The following CCR3 variants were observed in gnomAD, a reference collection of about 807,000 sequenced individuals.
CCR3 encodes the protein C-C chemokine receptor type 3.
For missense variants in CCR3, 419 were observed against 437.5 expected (o/e 0.96, Z 0.38); for synonymous variants, 203 against 179.2 (o/e 1.13, Z -1.06).
chr3:46,262,534 C>T (rs1338795853), intron 1 of CCR3, among the ~76,000 whole-genome samples: 7 of 152,122 alleles, frequency 4.6e-5, no homozygotes, highest in Admixed American at 4.6e-4. Context: ...ATGTAAAAGG[C>T]CATTTTGAAA....
rs537109409 is a variant in CCR3 at position 46,244,415 on chromosome 3, G to A, written c.-12+1877G>A. Reference sequence around the variant, plus strand: ...AGAGACCACCAAACAGGCTTTGTGTGAGCAATAAAGCTTTTTAATCACCTG... The same window carrying A: ...AGAGACCACCAAACAGGCTTTGTGTAAGCAATAAAGCTTTTTAATCACCTG... On this transcript the variant is annotated intron_variant, in intron 1 of 1. Coordinates refer to ENST00000395940, the MANE Select transcript of CCR3 (RefSeq NM_178329.3). Among the ~76,000 whole-genome samples, 126 of 152,322 alleles carry A rather than the reference G, an allele frequency of 8.3e-4. 1 individual carries two copies. Among genetic ancestry groups the A allele is most frequent in the African/African-American group, 2.7e-3 (114 of 41,570 alleles).
chr3:46,266,437 A>C lies in CCR3; in HGVS notation c.*211A>C. On this transcript the variant is annotated 3_prime_UTR_variant, in exon 2 of 2. Transcript: ENST00000395940. ...CCAGGGGCTGGGCAGCGTACTCATC[A>C]TCAACCCTAAAAAGCAGAGCTTTGC... 6.4e-6 allele frequency: 3 copies of C among 466,470 alleles called. No individual in the cohort carries two copies. Among genetic ancestry groups the C allele is most frequent in the Non-Finnish European group, 1.2e-5 (3 of 257,262 alleles). The allele number at this position is 466,470 out of a possible 1,614,324, so 28.9% of individuals were successfully genotyped here.
chr3:46,246,932 A>G (rs1051915921), intron 1 of CCR3, among the ~76,000 whole-genome samples: 3 of 151,806 alleles, frequency 2.0e-5, no homozygotes, highest in African/African-American at 7.3e-5. Flanking sequence ...TATTGTGGGG[A>G]TGTTAGAAGA....
Position 46,266,070 on chromosome 3 carries a change from TG to T in CCR3, c.914del (p.Gly305GlufsTer89). On this transcript the variant is annotated frameshift_variant, in exon 2 of 2. Coordinates refer to ENST00000395940, the MANE Select transcript of CCR3 (RefSeq NM_178329.3). LOFTEE classifies it low-confidence loss of function (END_TRUNC). ...CMNPVIYAFV[G>X]ERFRKYLRHF... Reference sequence around the variant, plus strand: ...TGAACCCGGTGATCTACGCCTTTGTTGGAGAGAGGTTCCGGAAGTACCTGCG... The same window carrying T: ...TGAACCCGGTGATCTACGCCTTTGTTGAGAGAGGTTCCGGAAGTACCTGCG... 6.2e-7 allele frequency: 1 copy of T among 1,614,072 alleles called. No homozygotes were observed. Among genetic ancestry groups the T allele is most frequent in the East Asian group, 2.2e-5 (1 of 44,866 alleles).
chr3:46,245,880 A>G (rs1370446109), intron 1 of CCR3, among the ~76,000 whole-genome samples: 1 of 152,144 alleles, frequency 6.6e-6, no homozygotes, highest in African/African-American at 2.4e-5. Context: ...AAAAGACACT[A>G]TCTGTTTTTT....
At chr3:46,254,284 G>A (rs907898386) in intron 1 of CCR3, among the ~76,000 whole-genome samples, 1 of 152,102 alleles carries the variant, frequency 6.6e-6, no homozygotes, top group African/African-American at 2.4e-5. Context: ...AGAAAGGGGA[G>A]AATAAAAGAA....
At chr3:46,260,514 G>A (rs1372512951) in intron 1 of CCR3, among the ~76,000 whole-genome samples, 2 of 152,184 alleles carry the variant, frequency 1.3e-5, no homozygotes, top group African/African-American at 2.4e-5. Context: ...AAACAAAGGG[G>A]CTACAGGCCC....
chr3:46,264,674 C>T (rs1031860320), intron 1 of CCR3: 6 of 494,444 alleles, frequency 1.2e-5, no homozygotes, highest in African/African-American at 2.0e-5. Context: ...AGCATAATTA[C>T]TTGTAATTGT....
rs752650292 is a variant in CCR3 at position 46,265,790 on chromosome 3, C to G, written c.632C>G (p.Pro211Arg). ...LRMTIFCLVL[P>R]LLVMAICYTG... ...ATGACCATCTTCTGTCTCGTTCTCC[C>G]TCTGCTCGTTATGGCCATCTGCTAC... Residue 211 changes from proline (P) to arginine (R), a missense_variant, in exon 2 of 2, where the codon CCT becomes CGT. Pro to Arg is a moderately radical substitution (Grantham distance 103). Transcript: ENST00000395940. 1.8e-5 allele frequency: 29 copies of G among 1,613,804 alleles called. No homozygotes were observed. The highest frequency in any genetic ancestry group is 2.4e-5 in the Non-Finnish European group (28 of 1,179,994).
Position 46,265,737 on chromosome 3 carries a change from T to C in CCR3, c.579T>C (p.Tyr193=). ...CSALYPEDTV[Y]SWRHFHTLRM... is the part of the protein sequence containing the mutation. ...CTCTTTACCCAGAGGATACAGTATA[T>C]AGCTGGAGGCATTTCCACACTCTGA... The change falls in exon 2 of 2, where the codon TAT becomes TAC. Residue 193 remains tyrosine, a synonymous_variant. Transcript: ENST00000395940. 2.5e-6 allele frequency: 4 copies of C among 1,613,870 alleles called. No homozygotes were observed. Among genetic ancestry groups the C allele is most frequent in the Non-Finnish European group, 3.4e-6 (4 of 1,179,976 alleles).
At chr3:46,238,318 T>G (rs773494676), upstream of CCR3, among the ~76,000 whole-genome samples, 13 of 152,194 alleles carry the variant, frequency 8.5e-5, no homozygotes, top group Admixed American at 7.9e-4. Flanking sequence ...TTAATTTACA[T>G]TTTCCTAATG....
chr3:46,226,397 A>G (rs949904646), intron 2 of CCR3, among the ~76,000 whole-genome samples: 13 of 152,344 alleles, frequency 8.5e-5, no homozygotes, highest in Middle Eastern at 3.4e-3. Context: ...AGTCATGTAC[A>G]TACTTAGCTA....
chr3:46,219,774 A>T (rs561678891), intron 2 of CCR3, among the ~76,000 whole-genome samples: 1 of 152,332 alleles, frequency 6.6e-6, no homozygotes, highest in Non-Finnish European at 1.5e-5. Context: ...TACTGGGATA[A>T]TTGTCAAACC....
At chr3:46,224,016 T>C (rs376557163) in intron 2 of CCR3, among the ~76,000 whole-genome samples, 13 of 152,066 alleles carry the variant, frequency 8.5e-5, no homozygotes, top group African/African-American at 2.9e-4. Flanking sequence ...GGAGAGCTCT[T>C]TCAAATAAAG....
rs1354705914 is a variant in CCR3 at position 46,265,868 on chromosome 3, C to A, written c.710C>A (p.Ala237Asp). ...LRCPSKKKYK[A>D]IRLIFVIMAV... ...TGCCCCAGTAAAAAAAAGTACAAGG[C>A]CATCCGGCTCATTTTTGTCATCATG... Residue 237 changes from alanine (A) to aspartate (D), a missense_variant, in exon 2 of 2, where the codon GCC (alanine) becomes GAC (aspartate). Coordinates refer to ENST00000395940, the MANE Select transcript of CCR3 (RefSeq NM_178329.3). 1 of 1,613,948 alleles carries A rather than the reference C, an allele frequency of 6.2e-7. No individual in the cohort carries two copies. Among genetic ancestry groups the A allele is most frequent in the African/African-American group, 1.3e-5 (1 of 74,908 alleles).
At chr3:46,255,770 C>A (rs1234151041) in intron 1 of CCR3, among the ~76,000 whole-genome samples, 1 of 152,072 alleles carries the variant, frequency 6.6e-6, no homozygotes, top group Non-Finnish European at 1.5e-5. Flanking sequence ...TGTTCTTATT[C>A]CAGTACCATT....
rs770368673 is a variant in CCR3 at position 46,265,757 on chromosome 3, C to G, written c.599C>G (p.Thr200Ser). The change falls in exon 2 of 2, where the codon ACT becomes AGT. Residue 200 changes from threonine (T) to serine (S), a missense_variant. Coordinates refer to ENST00000395940, the MANE Select transcript of CCR3 (RefSeq NM_178329.3). ...GTATATAGCTGGAGGCATTTCCACA[C>G]TCTGAGAATGACCATCTTCTGTCTC... is the stretch of plus-strand genomic sequence containing the variant. ...DTVYSWRHFH[T>S]LRMTIFCLVL... 2 of 1,613,906 alleles carry G rather than the reference C, an allele frequency of 1.2e-6. No individual in the cohort carries two copies. Among genetic ancestry groups the G allele is most frequent in the Non-Finnish European group, 1.7e-6 (2 of 1,180,002 alleles).
At chr3:46,264,486 T>TA (rs1296811847) in intron 1 of CCR3, 2 of 1,382,938 alleles carry the variant, frequency 1.4e-6, no homozygotes, top group Non-Finnish European at 2.0e-6. Flanking sequence ...AAGTTAAATT[T>TA]AAAAATCACT....
intron 2 of CCR3, among the ~76,000 whole-genome samples, chr3:46,228,131 C>T (rs779841688): frequency 1.1e-4 from 16 of 150,840 alleles, no homozygotes; most frequent in Non-Finnish European, 2.2e-4. Flanking sequence ...CCTTCCCAAA[C>T]TCTTTCCCAC....
Sources: gnomAD v4.1 joint callset for allele counts (sites outside exome capture counted in the v4.1 genomes callset) on GRCh38, gnomAD v4.1.1 for gene constraint, MANE v1.5 for transcripts, NCBI Gene and HGNC (gene_info 2026-07-23, HGNC 2026-07-21) for gene names.